The following LRMDA variants were observed in gnomAD, a reference collection of about 807,000 sequenced individuals.
The protein encoded by LRMDA is leucine-rich melanocyte differentiation-associated protein.
Under a neutral mutation model 29.8 loss-of-function variants are expected in LRMDA, and 18 were observed. The observed-to-expected ratio is 0.60, with a 90% CI of 0.42 to 0.90. The LOEUF is 0.90. Among genes scored for constraint, LRMDA ranks in the 40% least tolerant of loss-of-function variants. The pLI is 0.00. For synonymous variants in LRMDA, 125 were observed against 109.4 expected (o/e 1.14, Z -0.89); for missense variants, 273 against 273.9 (o/e 1.00, Z 0.02).
intron 3 of LRMDA, among the ~76,000 whole-genome samples, chr10:76,043,121 C>CA (rs1443270919): frequency 6.0e-5 from 9 of 149,320 alleles, no homozygotes; most frequent in East Asian, 2.0e-4. Flanking sequence ...GACTCTGTCT[C>CA]AAAAAAAAAG....
At chr10:75,996,735 GTT>G (rs1332967445) in intron 2 of LRMDA, among the ~76,000 whole-genome samples, 5 of 139,620 alleles carry the variant, frequency 3.6e-5, no homozygotes, top group Admixed American at 7.2e-5. Context: ...TTTGTTTGGT[GTT>G]TTTTTTTTTT....
chr10:75,445,351 G>T (rs2132026898), intron 2 of LRMDA, among the ~76,000 whole-genome samples: 1 of 151,182 alleles, frequency 6.6e-6, no homozygotes, highest in African/African-American at 2.4e-5. Context: ...AAATATCTTT[G>T]TAATACTCAT....
intron 2 of LRMDA, among the ~76,000 whole-genome samples, chr10:75,753,597 C>T (rs192331713): frequency 6.6e-6 from 1 of 152,106 alleles, no homozygotes; most frequent in African/African-American, 2.4e-5. Flanking sequence ...AGGTGGGGAA[C>T]GGAATGCTGA....
chr10:76,360,571 A>G (rs1433817668), intron 6 of LRMDA, among the ~76,000 whole-genome samples: 2 of 152,228 alleles, frequency 1.3e-5, no homozygotes, highest in East Asian at 3.8e-4. Context: ...TCTGTGTAGT[A>G]CTATATAGCT....
chr10:75,567,146 TA>T (rs1278264239), intron 2 of LRMDA, among the ~76,000 whole-genome samples: 22 of 152,112 alleles, frequency 1.4e-4, no homozygotes, highest in African/African-American at 4.8e-4. Context: ...TGCTATTAGT[TA>T]TTTTTTTTTC....
intron 2 of LRMDA, among the ~76,000 whole-genome samples, chr10:75,748,059 C>T (rs1842909946): frequency 6.6e-6 from 1 of 152,132 alleles, no homozygotes; most frequent in South Asian, 2.1e-4. Flanking sequence ...TATCATCATA[C>T]TTAAATATTT....
intron 2 of LRMDA, among the ~76,000 whole-genome samples, chr10:75,820,377 G>A (rs1844137006): frequency 6.6e-6 from 1 of 152,162 alleles, no homozygotes; most frequent in African/African-American, 2.4e-5. Context: ...CAAACATATG[G>A]AAATTAAATA....
At chr10:75,911,254 C>T (rs753680997) in intron 2 of LRMDA, among the ~76,000 whole-genome samples, 1 of 151,984 alleles carries the variant, frequency 6.6e-6, no homozygotes, top group Non-Finnish European at 1.5e-5. Flanking sequence ...TTGGCTATGT[C>T]TAATGTAGGC....
intron 6 of LRMDA, among the ~76,000 whole-genome samples, chr10:76,393,597 C>T (rs1409494793): frequency 6.6e-6 from 1 of 152,172 alleles, no homozygotes; most frequent in South Asian, 2.1e-4. Flanking sequence ...AATATTTTCT[C>T]CCATTCTGTA....
At chr10:75,746,484 G>GAC (rs1202725631) in intron 2 of LRMDA, among the ~76,000 whole-genome samples, 4 of 152,174 alleles carry the variant, frequency 2.6e-5, no homozygotes, top group African/African-American at 7.2e-5. Flanking sequence ...AAATTAGAGA[G>GAC]ACACACGTAC....
At chr10:75,757,401 C>T (rs905425936) in intron 2 of LRMDA, among the ~76,000 whole-genome samples, 6 of 152,158 alleles carry the variant, frequency 3.9e-5, no homozygotes, top group African/African-American at 1.4e-4. Context: ...TCACAGGTCA[C>T]ACCTGCTGCA....
chr10:76,117,662 C>A (rs986741672), intron 5 of LRMDA, among the ~76,000 whole-genome samples: 1 of 152,174 alleles, frequency 6.6e-6, no homozygotes, highest in African/African-American at 2.4e-5. Context: ...ATATAAAATA[C>A]AACCAAGATG....
chr10:76,016,280 AG>A (rs1847877276), intron 2 of LRMDA, among the ~76,000 whole-genome samples: 1 of 152,106 alleles, frequency 6.6e-6, no homozygotes, highest in Non-Finnish European at 1.5e-5. Flanking sequence ...TAGCTTTAAA[AG>A]GGTAAAATAG....
chr10:76,518,689 A>T (rs1843088849), intron 6 of LRMDA, among the ~76,000 whole-genome samples: 1 of 152,140 alleles, frequency 6.6e-6, no homozygotes, highest in African/African-American at 2.4e-5. Context: ...GCTTCACACC[A>T]CTTAAAGCAA....
rs191985868 is a variant in LRMDA at position 75,750,716 on chromosome 10, C to T, written c.132-285292C>T. On this transcript the variant is annotated intron_variant, in intron 2 of 6. Coordinates refer to ENST00000611255, the MANE Select transcript of LRMDA (RefSeq NM_001305581.2). The stretch of plus-strand genomic sequence containing the variant: ...CCAGAGGCTCTCCTCACATCCCAGA[C>T]GGGGCGGGGGGGCAGAGGGGCTCCT... Among the ~76,000 whole-genome samples the T allele has an allele frequency of 6.7e-3, 426 of 63,376 alleles. 1 individual carries two copies. Among genetic ancestry groups the T allele is most frequent in the East Asian group, 0.065 (138 of 2,130 alleles). 41.6% of individuals were successfully genotyped at this position (63,376 alleles called of 152,430 possible).
intron 5 of LRMDA, among the ~76,000 whole-genome samples, chr10:76,090,991 A>G (rs193175642): frequency 1.2e-4 from 19 of 152,346 alleles, no homozygotes; most frequent in Admixed American, 3.9e-4. Flanking sequence ...ATTTTGTGTT[A>G]TGTGTATTTT....
chr10:76,306,242 G>C (rs1322454310), intron 5 of LRMDA, among the ~76,000 whole-genome samples: 3 of 152,200 alleles, frequency 2.0e-5, no homozygotes, highest in African/African-American at 7.2e-5. Context: ...TAGCATCCAA[G>C]CTTCATGGTT....
intron 6 of LRMDA, among the ~76,000 whole-genome samples, chr10:76,329,543 G>C (rs1455436919): frequency 6.6e-6 from 1 of 152,196 alleles, no homozygotes; most frequent in African/African-American, 2.4e-5. Flanking sequence ...AACTTGCTTA[G>C]AGATGATAAC....
intron 5 of LRMDA, among the ~76,000 whole-genome samples, chr10:76,261,595 A>C (rs951356339): frequency 6.6e-6 from 1 of 152,188 alleles, no homozygotes; most frequent in Non-Finnish European, 1.5e-5. Flanking sequence ...AGTATCAAGG[A>C]GATAACTAGA....
Sources: allele counts gnomAD v4.1 joint callset (sites outside exome capture counted in the v4.1 genomes callset), GRCh38; gene constraint gnomAD v4.1.1; transcripts MANE v1.5; gene names NCBI Gene and HGNC (gene_info 2026-07-23, HGNC 2026-07-21).